LRCH3: variants seen among roughly 807,000 people sequenced by gnomAD.
The protein encoded by LRCH3 is DISP complex protein LRCH3.
Under a neutral mutation model 104.5 loss-of-function variants are expected in LRCH3, and 68 were observed. The observed-to-expected ratio is 0.65, with a 90% confidence interval of 0.54 to 0.80. The LOEUF is 0.80. Ranked by LOEUF, LRCH3 falls within the 30% of genes least tolerant of loss-of-function variation. The probability of loss-of-function intolerance (pLI) is 0.00; values close to 1 mark genes in which losing one functional copy is unlikely to be tolerated. For synonymous variants in LRCH3, 344 were observed against 361.3 expected, an observed-to-expected ratio of 0.95 and a Z score of 0.54; for missense variants, 951 against 953.9, an observed-to-expected ratio of 1.00 and a Z score of 0.04.
chr3:197,865,727 T>C (rs1741402458), intron 16 of LRCH3, among the ~76,000 whole-genome samples: 1 of 152,024 alleles, frequency 6.6e-6, no homozygotes, highest in Admixed American at 6.6e-5. Context: ...TGGCTGCTTT[T>C]TCTGAGATAG....
intron 16 of LRCH3, among the ~76,000 whole-genome samples, chr3:197,865,769 T>G (rs977697286): frequency 7.6e-6 from 1 of 132,310 alleles, no homozygotes; most frequent in African/African-American, 3.8e-5. Context: ...ACCACTGGGT[T>G]TTTTTTTTTT....
At chr3:197,875,616 T>G (rs1234718020) in intron 19 of LRCH3, 82 bp from the exon 20 acceptor site, 6 of 1,033,204 alleles carry the variant, frequency 5.8e-6, no homozygotes, top group Non-Finnish European at 8.6e-6. Flanking sequence ...CTTGCGCCAC[T>G]GCACTCCAGC....
At chr3:197,804,359 T>C (rs530789112) in intron 1 of LRCH3, among the ~76,000 whole-genome samples, 1 of 152,242 alleles carries the variant, frequency 6.6e-6, no homozygotes, top group South Asian at 2.1e-4. Flanking sequence ...GCTGAACATA[T>C]CATGGATATG....
Position 197,880,215 on chromosome 3 carries a change from G to A in LRCH3, c.2209-3326G>A, listed in dbSNP as rs551190745. Among the ~76,000 whole-genome samples, 588 of 152,136 alleles carry A rather than the reference G, an allele frequency of 3.9e-3. 11 individuals are homozygous for A. The highest frequency in any genetic ancestry group is 3.4e-3 in the Middle Eastern group (1 of 294). On this transcript the variant is annotated intron_variant, in intron 20 of 20. Transcript: ENST00000425562. ...CCGCCTCGGCCTCCCAAAGTGCTGG[G>A]ATTACAGGTGTGAGCCACCGCGCCC...
intron 6 of LRCH3, 93 bp from the exon 7 acceptor site, chr3:197,830,658 AATAGTTAAGTGACTGCCAC>A (rs751579239): frequency 2.0e-5 from 16 of 785,372 alleles, no homozygotes; most frequent in Non-Finnish European, 3.3e-5. Context: ...ATTTAGTTCT[AATAGTTAAGTGACTGCCAC>A]ATTTCTTGTT....
rs929923145 is a variant in LRCH3 at position 197,830,128 on chromosome 3, G to A, written c.887+455G>A. On this transcript the variant is annotated intron_variant, in intron 6 of 20. Coordinates refer to ENST00000425562, the MANE Select transcript of LRCH3 (RefSeq NM_001365715.1). Reference sequence around the variant, plus strand: ...TTTTTGAGTTTCATTTTTTCTACAAGGAGTCAAGAGTTGGATTTGTTGACC... The same window carrying A: ...TTTTTGAGTTTCATTTTTTCTACAAAGAGTCAAGAGTTGGATTTGTTGACC... 3.3e-5 allele frequency among the ~76,000 whole-genome samples: 5 copies of A among 152,204 alleles called. No individual in the cohort carries two copies. The South Asian group carries it at 6.2e-4, about 19-fold the overall frequency.
intron 4 of LRCH3, among the ~76,000 whole-genome samples, chr3:197,825,427 A>G (rs1735046651): frequency 9.0e-6 from 1 of 111,102 alleles, no homozygotes; most frequent in African/African-American, 3.5e-5. Flanking sequence ...ATTATTTTGA[A>G]TTGGATGTTA....
chr3:197,798,538 G>A (rs1182835067), intron 1 of LRCH3, among the ~76,000 whole-genome samples: 4 of 152,214 alleles, frequency 2.6e-5, no homozygotes, highest in Non-Finnish European at 4.4e-5. Context: ...CCAAAGTAAT[G>A]CAGTGTCATT....
intron 15 of LRCH3, among the ~76,000 whole-genome samples, chr3:197,864,617 A>T (rs796477825): frequency 7.1e-6 from 1 of 140,078 alleles, no homozygotes; most frequent in Admixed American, 6.9e-5. Context: ...TCTCAAAAAA[A>T]AAAAAACAAA....
At chr3:197,840,703 G>C (rs966665306) in intron 10 of LRCH3, among the ~76,000 whole-genome samples, 1 of 147,036 alleles carries the variant, frequency 6.8e-6, no homozygotes, top group African/African-American at 2.6e-5. Flanking sequence ...GCTATAGATG[G>C]AATAAATGTG....
At chr3:197,803,436 A>AT (rs1459165433) in intron 1 of LRCH3, among the ~76,000 whole-genome samples, 3 of 152,192 alleles carry the variant, frequency 2.0e-5, no homozygotes, top group Non-Finnish European at 4.4e-5. Flanking sequence ...ATTAAACTAC[A>AT]TTTTTAACAA....
intron 1 of LRCH3, among the ~76,000 whole-genome samples, chr3:197,804,247 C>A (rs1009438045): frequency 4.6e-5 from 7 of 151,668 alleles, no homozygotes; most frequent in Admixed American, 3.9e-4. Flanking sequence ...CAGCGTAAGA[C>A]CCTGTCTCAA....
At position 197,810,059 on chromosome 3, in the gene LRCH3, T is replaced by C. The variant is rs1732950986; in HGVS notation, c.263-4849T>C. Among the ~76,000 whole-genome samples, 2 of 152,290 alleles carry C rather than the reference T, an allele frequency of 1.3e-5. No individual in the cohort carries two copies. The highest frequency in any genetic ancestry group is 4.1e-4 in the South Asian group (2 of 4,830). On this transcript the variant is annotated intron_variant, in intron 1 of 20. Transcript: ENST00000425562. This position sits in a 1 kb window ranked among gnomAD's most constrained non-coding sequence, Gnocchi z 4.0. ...CTCAAAGGTTGCATGGGAAGCCTGTTTTTTTCCAGTTTTTTTCTGAGATAT... is the reference window on the plus strand; with the variant it reads ...CTCAAAGGTTGCATGGGAAGCCTGTCTTTTTCCAGTTTTTTTCTGAGATAT...
At chr3:197,793,835 T>C (rs1466194982) in intron 1 of LRCH3, among the ~76,000 whole-genome samples, 7 of 152,208 alleles carry the variant, frequency 4.6e-5, no homozygotes, top group Non-Finnish European at 8.8e-5. Context: ...GATTCATTTC[T>C]AACATGTAGT....
chr3:197,831,014 G>A, intron 7 of LRCH3, 151 bp downstream of exon 7: 1 of 617,944 alleles, frequency 1.6e-6, no homozygotes, highest in African/African-American at 1.9e-5. Context: ...CTCTCCAGCA[G>A]AATTGGCATT....
chr3:197,872,913 G>A (rs1222423910), intron 19 of LRCH3, among the ~76,000 whole-genome samples: 1 of 152,152 alleles, frequency 6.6e-6, no homozygotes, highest in Non-Finnish European at 1.5e-5. Flanking sequence ...TGTTGTATTA[G>A]TCCAGGCCAG....
chr3:197,881,218 A>G (rs1301150481), intron 20 of LRCH3: 1 of 1,002,680 alleles, frequency 1.0e-6, no homozygotes, highest in Non-Finnish European at 1.2e-6. Context: ...TTCTGCTTTG[A>G]ACTGTGTCCT....
intron 1 of LRCH3, among the ~76,000 whole-genome samples, chr3:197,800,083 G>A (rs1731699829): frequency 1.3e-5 from 2 of 152,034 alleles, no homozygotes; most frequent in Admixed American, 1.3e-4. Context: ...CAGCTACTCG[G>A]GAGGCTGAGG....
At chr3:197,872,810 G>A (rs987073499) in intron 19 of LRCH3, among the ~76,000 whole-genome samples, 38 of 147,130 alleles carry the variant, frequency 2.6e-4, no homozygotes, top group Non-Finnish European at 5.0e-4. Context: ...AGCTGAGATC[G>A]CACCACTGCA....
Sources: gnomAD v4.1 joint callset for allele counts (sites outside exome capture counted in the v4.1 genomes callset) on GRCh38, gnomAD v4.1.1 for gene constraint, Gnocchi (gnomAD v3.1) non-coding constraint, MANE v1.5 for transcripts, NCBI Gene and HGNC (gene_info 2026-07-23, HGNC 2026-07-21) for gene names.